The following KALRN variants were observed in gnomAD, a reference collection of about 807,000 sequenced individuals.
KALRN encodes kalirin.
KALRN carries 70 observed loss-of-function variants against 353.7 expected under a neutral mutation model. That is an observed-to-expected ratio of 0.20 (90% confidence interval 0.16 to 0.24). The LOEUF (loss-of-function observed/expected upper bound fraction) is 0.24. Ranked by LOEUF, KALRN falls within the 10% of genes least tolerant of loss-of-function variation. The pLI, the probability that KALRN is intolerant of heterozygous loss-of-function variation, is 1.00. For synonymous variants in KALRN, 1,391 were observed against 1,434.8 expected (o/e 0.97, Z 0.69); for missense variants, 2,791 against 3,756.7 (o/e 0.74, Z 6.72).
chr3:124,589,603 CAAAAAT>C, intron 34 of KALRN, among the ~76,000 whole-genome samples: 1 of 152,140 alleles, frequency 6.6e-6, no homozygotes. Context: ...AAAAAATAAA[CAAAAAT>C]AAAAATTCAC....
Position 124,466,955 on chromosome 3 carries a change from T to C in KALRN, c.4031+4322T>C, listed in dbSNP as rs34282689. ...CTATGTCATTCTTGTGCCACACCCC[T>C]ACAACAATTACCTGAAATAAATCAG... is the stretch of plus-strand genomic sequence containing the variant. On this transcript the variant is annotated intron_variant, in intron 25 of 59. Transcript: ENST00000682506. Among the ~76,000 whole-genome samples, 1,281 of 152,328 alleles carry C rather than the reference T, an allele frequency of 8.4e-3. 11 individuals carry two copies. Among genetic ancestry groups the C allele is most frequent in the Non-Finnish European group, 0.011 (765 of 68,026 alleles).
chr3:124,665,992 T>G (rs2085556956), intron 45 of KALRN, among the ~76,000 whole-genome samples: 1 of 152,192 alleles, frequency 6.6e-6, no homozygotes, highest in African/African-American at 2.4e-5. Flanking sequence ...AGTTCAAGGT[T>G]GGTGGCCATG....
intron 1 of KALRN, among the ~76,000 whole-genome samples, chr3:124,075,193 T>C (rs2060203723): frequency 6.6e-6 from 1 of 152,354 alleles, no homozygotes. Context: ...TTCTAGAGCA[T>C]GAGTGACTTT....
At chr3:124,424,430 T>C (rs537687859) in intron 15 of KALRN, among the ~76,000 whole-genome samples, 51 of 152,276 alleles carry the variant, frequency 3.3e-4, no homozygotes, top group African/African-American at 1.2e-3. Flanking sequence ...AAGGTATTCC[T>C]TCCTCTGATG....
intron 33 of KALRN, among the ~76,000 whole-genome samples, chr3:124,507,595 C>T (rs778618989): frequency 3.3e-5 from 5 of 152,164 alleles, no homozygotes; most frequent in Non-Finnish European, 5.9e-5. Context: ...CCAGATACCA[C>T]GGAGATTCAG....
intron 34 of KALRN, among the ~76,000 whole-genome samples, chr3:124,570,069 A>T (rs2073344850): frequency 1.3e-5 from 2 of 152,192 alleles, no homozygotes; most frequent in African/African-American, 2.4e-5. Flanking sequence ...AATGCCAAAA[A>T]GTTCAGGCTC....
At chr3:124,445,716 A>T (rs2093815048) in intron 19 of KALRN, among the ~76,000 whole-genome samples, 1 of 152,314 alleles carries the variant, frequency 6.6e-6, no homozygotes, top group East Asian at 1.9e-4. Flanking sequence ...CAGTGATACC[A>T]GCCCTCATTC....
intron 10 of KALRN, among the ~76,000 whole-genome samples, chr3:124,349,347 T>C (rs918721873): frequency 2.0e-5 from 3 of 152,226 alleles, no homozygotes; most frequent in Non-Finnish European, 4.4e-5. Context: ...TATTGTTTAA[T>C]GCAAGCTTAT....
chr3:124,040,020 A>C (rs2039810673), intron 1 of KALRN, among the ~76,000 whole-genome samples: 2 of 152,190 alleles, frequency 1.3e-5, no homozygotes, highest in African/African-American at 4.8e-5. Context: ...ATATTTTAGT[A>C]CATATCAGTG....
chr3:124,067,028 A>G (rs546672830), intron 1 of KALRN, among the ~76,000 whole-genome samples: 1 of 152,228 alleles, frequency 6.6e-6, no homozygotes, highest in East Asian at 1.9e-4. Flanking sequence ...GCAGACTTCA[A>G]ATCCCCAAAT....
chr3:124,485,012 C>T (rs774668471), intron 28 of KALRN, among the ~76,000 whole-genome samples: 2 of 152,170 alleles, frequency 1.3e-5, no homozygotes, highest in Admixed American at 1.3e-4. Context: ...ATGAGAATTG[C>T]TTGAGCCTCG....
chr3:124,642,813 T>TGTTGTTG (rs1365733888), intron 37 of KALRN, among the ~76,000 whole-genome samples: 82 of 138,014 alleles, frequency 5.9e-4, no homozygotes, highest in Non-Finnish European at 8.8e-4. Context: ...CTCGTTTTTT[T>TGTTGTTG]TTTTTTTTTT....
At chr3:124,124,428 G>C (rs1403534303) in intron 1 of KALRN, among the ~76,000 whole-genome samples, 2 of 152,230 alleles carry the variant, frequency 1.3e-5, no homozygotes, top group Admixed American at 6.5e-5. Context: ...TCTTGAGATA[G>C]AATTGACTTC....
At chr3:124,401,618 G>A (rs2090882219) in intron 13 of KALRN, among the ~76,000 whole-genome samples, 1 of 152,208 alleles carries the variant, frequency 6.6e-6, no homozygotes, top group Non-Finnish European at 1.5e-5. Flanking sequence ...ATGCAGGAGA[G>A]CAAGAGTGTG....
At chr3:124,472,931 G>A (rs900110825) in intron 25 of KALRN, among the ~76,000 whole-genome samples, 1 of 152,032 alleles carries the variant, frequency 6.6e-6, no homozygotes, top group Non-Finnish European at 1.5e-5. Flanking sequence ...GGACAAACTG[G>A]GTACAGCTAG....
intron 33 of KALRN, among the ~76,000 whole-genome samples, chr3:124,515,928 A>G (rs896380609): frequency 6.6e-6 from 1 of 152,122 alleles, no homozygotes; most frequent in Non-Finnish European, 1.5e-5. Flanking sequence ...CTGTGTATGT[A>G]TTTTCTCAGG....
At chr3:124,197,799 T>G (rs967651189) in intron 1 of KALRN, among the ~76,000 whole-genome samples, 5 of 152,182 alleles carry the variant, frequency 3.3e-5, no homozygotes, top group African/African-American at 1.2e-4. Context: ...ATGCAGTTCA[T>G]CTAGAAATGT....
At chr3:124,514,047 G>C (rs893871968) in intron 33 of KALRN, among the ~76,000 whole-genome samples, 49 of 152,176 alleles carry the variant, frequency 3.2e-4, no homozygotes, top group Admixed American at 6.5e-4. Context: ...GAAAAGAGCT[G>C]ACCTGAAAGT....
intron 33 of KALRN, among the ~76,000 whole-genome samples, chr3:124,528,659 G>A (rs150941350): frequency 4.0e-4 from 61 of 152,302 alleles, no homozygotes; most frequent in African/African-American, 1.4e-3. Context: ...GCTAAGGTTA[G>A]CTCTAGAGAG....
Sources: gnomAD v4.1 joint callset for allele counts (sites outside exome capture counted in the v4.1 genomes callset) on GRCh38, gnomAD v4.1.1 for gene constraint, MANE v1.5 for transcripts, NCBI Gene and HGNC (gene_info 2026-07-23, HGNC 2026-07-21) for gene names.